The following SORBS2 variants were observed in gnomAD, a reference collection of about 807,000 sequenced individuals.
SORBS2 encodes sorbin and SH3 domain containing 2, also known as sorbin and SH3 domain-containing protein 2.
SORBS2 carries 46 observed loss-of-function variants against 97.7 expected under a neutral mutation model. That is an observed-to-expected ratio of 0.47 (90% CI 0.37 to 0.60). SORBS2 has a LOEUF of 0.60. Ranked by LOEUF, SORBS2 falls within the 20% of genes least tolerant of loss-of-function variation. The pLI is 0.00. For synonymous variants in SORBS2, 476 were observed against 473.4 expected, an observed-to-expected ratio of 1.01 and a Z score of -0.07; for missense variants, 1,316 against 1,282.3, an observed-to-expected ratio of 1.03 and a Z score of -0.40.
At position 185,864,911 on chromosome 4, in the gene SORBS2, C is replaced by CAA. The variant is rs34469356; in HGVS notation, c.-337-89547_-337-89546dup. ...TGGGCGATAGAGTGAGACTCTGTCT[C>CAA]AAAAAAAAAAGAAAAAGAAAAGCAT... On this transcript the variant is annotated intron_variant, in intron 1 of 20. Coordinates refer to the SORBS2 transcript ENST00000284776. 2.1e-5 allele frequency among the ~76,000 whole-genome samples: 3 copies of CAA among 140,780 alleles called. 1 individual carries two copies. The highest frequency in any genetic ancestry group is 2.3e-4 in the South Asian group (1 of 4,426). 92.4% of individuals were successfully genotyped at this position (140,780 alleles called of 152,430 possible).
At chr4:185,779,968 C>T (rs2099019280) in intron 1 of SORBS2, among the ~76,000 whole-genome samples, 1 of 146,962 alleles carries the variant, frequency 6.8e-6, no homozygotes, top group Admixed American at 6.8e-5. Flanking sequence ...AAGTCACGCA[C>T]ATTGTAAGCA....
chr4:185,677,675 T>G, intron 4 of SORBS2: 1 of 1,441,558 alleles, frequency 6.9e-7, no homozygotes, highest in Non-Finnish European at 9.1e-7. Context: ...AGAAATAAAG[T>G]TGAAAGAAAA....
At position 185,684,741 on chromosome 4, in the gene SORBS2, A is replaced by G. The variant is rs879017806; in HGVS notation, c.-197-5919T>C. On this transcript the variant is annotated intron_variant, in intron 2 of 20. Coordinates refer to the SORBS2 transcript ENST00000284776. This position sits in a 1 kb window ranked among gnomAD's most constrained non-coding sequence, Gnocchi z 4.2. ...ATTCAAGTGCGACATTGTGTGAGTT[A>G]GTGATATTATACCTGCAGCCAATAG... 3 of 1,525,634 alleles carry G rather than the reference A, an allele frequency of 2.0e-6. No individual in the cohort carries two copies. The South Asian group carries it at 3.6e-5, about 18-fold the overall frequency. The allele number at this position is 1,525,634 out of a possible 1,614,324, so 94.5% of individuals were successfully genotyped here.
intron 2 of SORBS2, among the ~76,000 whole-genome samples, chr4:185,682,571 A>T (rs2097887110): frequency 6.6e-6 from 1 of 152,230 alleles, no homozygotes; most frequent in East Asian, 1.9e-4. Context: ...TTGTATTTTA[A>T]CAATATCGAA....
intron 12 of SORBS2, among the ~76,000 whole-genome samples, chr4:185,604,728 C>A (rs2096364739): frequency 6.6e-6 from 1 of 152,124 alleles, no homozygotes; most frequent in Non-Finnish European, 1.5e-5. Context: ...ATGGTATGAT[C>A]AGTTTAATTT....
At chr4:185,907,667 C>T (rs1051727091) in intron 1 of SORBS2, among the ~76,000 whole-genome samples, 1 of 151,910 alleles carries the variant, frequency 6.6e-6, no homozygotes, top group African/African-American at 2.4e-5. Flanking sequence ...GTTAAGCTAC[C>T]TCAGTTCTTT....
intron 1 of SORBS2, among the ~76,000 whole-genome samples, chr4:185,884,254 G>C (rs992799814): frequency 6.6e-6 from 1 of 152,210 alleles, no homozygotes; most frequent in Middle Eastern, 3.4e-3. Context: ...TATGGGAATT[G>C]TTCCCATTTA....
At chr4:185,658,897 G>A (rs567142563), upstream of SORBS2, among the ~76,000 whole-genome samples, 3 of 151,858 alleles carry the variant, frequency 2.0e-5, no homozygotes, top group Middle Eastern at 3.4e-3. Context: ...TAGTAGAGAC[G>A]GGGTTTCACC....
chr4:185,756,644 C>T lies in SORBS2; in HGVS notation c.-198+18583G>A, dbSNP rs140721950. ...TAACATCCAGGGATGGATCCTGAAG[C>T]GGGCTTCCATTTTTTTTTGGCATTT... On this transcript the variant is annotated intron_variant, in intron 2 of 20. Transcript: ENST00000284776. 8.8e-4 allele frequency among the ~76,000 whole-genome samples: 132 copies of T among 150,646 alleles called. 1 individual carries two copies. In the South Asian group the frequency reaches 0.026, roughly 30 times the overall value.
At chr4:185,905,773 T>C (rs920601617) in intron 1 of SORBS2, among the ~76,000 whole-genome samples, 3 of 152,174 alleles carry the variant, frequency 2.0e-5, no homozygotes, top group African/African-American at 4.8e-5. Context: ...CTCTTCTGTC[T>C]TTTTGTAGGT....
At chr4:185,793,023 T>C (rs1380928580) in intron 1 of SORBS2, among the ~76,000 whole-genome samples, 8 of 152,210 alleles carry the variant, frequency 5.3e-5, no homozygotes, top group Admixed American at 3.3e-4. Flanking sequence ...TTAAAGAATT[T>C]GGCACGCTGC....
At chr4:185,657,999 C>A (rs1308145475), upstream of SORBS2, among the ~76,000 whole-genome samples, 1 of 152,090 alleles carries the variant, frequency 6.6e-6, no homozygotes, top group Non-Finnish European at 1.5e-5. Context: ...TCCCTCAGGT[C>A]ATCATTTACA....
At chr4:185,638,901 G>A in intron 4 of SORBS2, 2 of 1,484,546 alleles carry the variant, frequency 1.3e-6, no homozygotes, top group Admixed American at 2.8e-5. Flanking sequence ...GAGCCGGGGC[G>A]CGCGAGCTTG....
At chr4:185,914,587 C>T (rs1354443203) in intron 1 of SORBS2, among the ~76,000 whole-genome samples, 1 of 152,174 alleles carries the variant, frequency 6.6e-6, no homozygotes, top group Admixed American at 6.5e-5. Flanking sequence ...TATGTTATTA[C>T]CGTGAACGCA....
At chr4:185,800,116 C>T (rs2099123206) in intron 1 of SORBS2, among the ~76,000 whole-genome samples, 1 of 152,094 alleles carries the variant, frequency 6.6e-6, no homozygotes, top group Non-Finnish European at 1.5e-5. Flanking sequence ...ATTGCTTGAA[C>T]CTGGGGAGGC....
chr4:185,662,009 G>C, intron 5 of SORBS2, 95 bp downstream of exon 8: 1 of 1,389,900 alleles, frequency 7.2e-7, no homozygotes. Flanking sequence ...AGTGCTGAGC[G>C]CTCCCGCCTC....
chr4:185,829,402 G>C (rs772261376), intron 1 of SORBS2, among the ~76,000 whole-genome samples: 11 of 152,090 alleles, frequency 7.2e-5, no homozygotes, highest in Non-Finnish European at 1.6e-4. Flanking sequence ...TGAGATCTTG[G>C]TGTATACTAA....
At chr4:185,937,653 T>C (rs2099269604) in intron 1 of SORBS2, among the ~76,000 whole-genome samples, 1 of 152,168 alleles carries the variant, frequency 6.6e-6, no homozygotes, top group Admixed American at 6.5e-5. Context: ...AGGCTCCTGA[T>C]TCGAAAGCTC....
At chr4:185,613,030 C>T (rs988658618) in intron 11 of SORBS2, among the ~76,000 whole-genome samples, 1 of 152,216 alleles carries the variant, frequency 6.6e-6, no homozygotes, top group African/African-American at 2.4e-5. Context: ...TCACTTCCAC[C>T]TGCCATGACC....
Sources: allele counts gnomAD v4.1 joint callset (sites outside exome capture counted in the v4.1 genomes callset), GRCh38; gene constraint gnomAD v4.1.1; non-coding constraint Gnocchi (gnomAD v3.1); transcripts MANE v1.5; gene names NCBI Gene and HGNC (gene_info 2026-07-23, HGNC 2026-07-21).